Variants in DYM observed in about 807,000 individuals in gnomAD.
DYM encodes dyggve-Melchior-Clausen syndrome protein.
Under a neutral mutation model 93.1 loss-of-function variants are expected in DYM, and 78 were observed. The observed-to-expected ratio is 0.84, with a 90% confidence interval of 0.70 to 1.01. The LOEUF is 1.01. Ranked by LOEUF, DYM falls within the 50% of genes least tolerant of loss-of-function variation. The probability of loss-of-function intolerance (pLI) is 0.00; values close to 1 mark genes in which losing one functional copy is unlikely to be tolerated. For missense variants in DYM, 789 were observed against 845.0 expected, an observed-to-expected ratio of 0.93 and a Z score of 0.82; for synonymous variants, 321 against 319.7, an observed-to-expected ratio of 1.00 and a Z score of -0.04.
intron 8 of DYM, among the ~76,000 whole-genome samples, chr18:49,306,315 C>T (rs968688552): frequency 2.0e-5 from 3 of 152,170 alleles, no homozygotes; most frequent in African/African-American, 7.2e-5. Flanking sequence ...GGTCAGAAAA[C>T]TAGCAGGCTT....
intron 14 of DYM, among the ~76,000 whole-genome samples, chr18:49,187,006 G>A (rs1035961907): frequency 4.8e-5 from 7 of 144,830 alleles, no homozygotes; most frequent in African/African-American, 7.8e-5. Context: ...TGCAAGCTCC[G>A]CTTCCTGGGT....
intron 6 of DYM, among the ~76,000 whole-genome samples, chr18:49,335,202 G>A (rs149416084): frequency 9.3e-4 from 142 of 152,282 alleles, no homozygotes; most frequent in African/African-American, 3.2e-3. Flanking sequence ...GCCTTATTAC[G>A]TGGTTGAATA....
intron 3 of DYM, among the ~76,000 whole-genome samples, chr18:49,390,396 C>T (rs1281606560): frequency 1.3e-5 from 2 of 151,926 alleles, no homozygotes; most frequent in East Asian, 3.9e-4. Context: ...CACCAGTGCA[C>T]TCCAGCCTGG....
At chr18:49,337,090 C>T (rs772878530) in intron 6 of DYM, among the ~76,000 whole-genome samples, 2 of 152,098 alleles carry the variant, frequency 1.3e-5, no homozygotes, top group South Asian at 2.1e-4. Flanking sequence ...TTATTGAATA[C>T]CTTCCTTAAT....
At position 49,042,099 on chromosome 18, in the gene DYM, T is replaced by TC. The variant is rs2070967663; in HGVS notation, c.*1955dup. On this transcript the variant is annotated 3_prime_UTR_variant, in exon 18 of 18. Transcript: ENST00000675505. Reference sequence around the variant, plus strand: ...TGCTACCTGAAATGATAATCATCACTCCCCCTGCTGGCTGAGAGCGCTTCT... The same window carrying TC: ...TGCTACCTGAAATGATAATCATCACTCCCCCCTGCTGGCTGAGAGCGCTTCT... 6.6e-6 allele frequency: 1 copy of TC among 152,544 alleles called. No individual in the cohort carries two copies. Among genetic ancestry groups the TC allele is most frequent in the African/African-American group, 2.4e-5 (1 of 41,446 alleles). 9.4% of individuals were successfully genotyped at this position (152,544 alleles called of 1,614,324 possible). A position where few individuals can be genotyped will look rare whatever the true frequency, so the allele number is the denominator to read the frequency against.
chr18:49,348,680 G>A (rs1336392653), intron 6 of DYM, among the ~76,000 whole-genome samples: 7 of 151,944 alleles, frequency 4.6e-5, no homozygotes, highest in East Asian at 3.9e-4. Flanking sequence ...AGGCCAAGGC[G>A]AGTGGATTAC....
At chr18:49,158,868 TA>T (rs1320461271) in intron 15 of DYM, among the ~76,000 whole-genome samples, 1 of 152,186 alleles carries the variant, frequency 6.6e-6, no homozygotes, top group Non-Finnish European at 1.5e-5. Context: ...CAGCTAACAA[TA>T]ATTTATTGTA....
chr18:49,377,952 T>C (rs1023730118), intron 5 of DYM, among the ~76,000 whole-genome samples: 6 of 152,232 alleles, frequency 3.9e-5, no homozygotes, highest in Non-Finnish European at 2.9e-5. Flanking sequence ...GGCAGAGATC[T>C]ATTTTGAAAA....
chr18:49,445,487 T>A (rs1004520427), intron 1 of DYM, among the ~76,000 whole-genome samples: 4 of 151,742 alleles, frequency 2.6e-5, no homozygotes, highest in Non-Finnish European at 4.4e-5. Context: ...GGAGAAAAGA[T>A]AAAAGTTAAG....
chr18:49,449,879 C>T (rs532589361), intron 1 of DYM, among the ~76,000 whole-genome samples: 28 of 152,248 alleles, frequency 1.8e-4, no homozygotes, highest in South Asian at 1.5e-3. Flanking sequence ...AGACTCCACA[C>T]CTGGTATATA....
rs77946618 is a variant in DYM at position 49,327,885 on chromosome 18, C to T, written c.763+3979G>A. On this transcript the variant is annotated intron_variant, in intron 8 of 17. Coordinates refer to ENST00000675505, the MANE Select transcript of DYM (RefSeq NM_001353214.3). ...ACTACAGTCCACAGATGTTGGATGG[C>T]GCTCTGCTGGATACTGCAGGGGACA... Among the ~76,000 whole-genome samples, 13 of 152,194 alleles carry T rather than the reference C, an allele frequency of 8.5e-5. No individual in the cohort carries two copies. In the East Asian group the frequency reaches 9.7e-4, roughly 11 times the overall value.
chr18:49,176,787 T>A (rs2089432591), intron 14 of DYM, among the ~76,000 whole-genome samples: 1 of 152,122 alleles, frequency 6.6e-6, no homozygotes, highest in African/African-American at 2.4e-5. Flanking sequence ...ATTGGTAATT[T>A]ATCTAAAAAG....
At chr18:49,369,299 G>A (rs1342621204) in intron 5 of DYM, among the ~76,000 whole-genome samples, 9 of 152,114 alleles carry the variant, frequency 5.9e-5, no homozygotes, top group African/African-American at 2.2e-4. Context: ...GTTCATTCAG[G>A]AGACTCTCTG....
At chr18:49,282,373 G>A (rs191886771) in intron 9 of DYM, among the ~76,000 whole-genome samples, 198 bp from the exon 10 acceptor site, 3 of 152,266 alleles carry the variant, frequency 2.0e-5, no homozygotes, top group Admixed American at 1.3e-4. Context: ...CCAGCACTTT[G>A]GGAGGCCGAG....
chr18:49,100,375 G>C (rs924936985), intron 16 of DYM, among the ~76,000 whole-genome samples: 1 of 151,986 alleles, frequency 6.6e-6, no homozygotes, highest in African/African-American at 2.4e-5. Context: ...CAACAAAAGG[G>C]AGTGTACTTA....
chr18:49,391,769 T>G, intron 2 of DYM, 124 bp from the exon 3 acceptor site: 2 of 751,954 alleles, frequency 2.7e-6, no homozygotes, highest in East Asian at 3.0e-5. Context: ...TGCACAGTAG[T>G]GAACAATAAG....
chr18:49,058,645 C>T (rs909665370), intron 17 of DYM, among the ~76,000 whole-genome samples: 7 of 152,178 alleles, frequency 4.6e-5, no homozygotes, highest in Non-Finnish European at 1.0e-4. Context: ...GAAAGACACA[C>T]TGCTTATCTC....
At chr18:49,276,524 GA>G (rs1400495580) in intron 10 of DYM, among the ~76,000 whole-genome samples, 5 of 151,970 alleles carry the variant, frequency 3.3e-5, no homozygotes, top group African/African-American at 7.2e-5. Flanking sequence ...CTGAGAAGAG[GA>G]AAAAGGAGAA....
intron 8 of DYM, among the ~76,000 whole-genome samples, chr18:49,295,125 C>T (rs2060440412): frequency 6.6e-6 from 1 of 152,104 alleles, no homozygotes; most frequent in Non-Finnish European, 1.5e-5. Flanking sequence ...TTTTTACTTC[C>T]ATCATGACCC....
Sources: gnomAD v4.1 joint callset for allele counts (sites outside exome capture counted in the v4.1 genomes callset) on GRCh38, gnomAD v4.1.1 for gene constraint, MANE v1.5 for transcripts, NCBI Gene and HGNC (gene_info 2026-07-23, HGNC 2026-07-21) for gene names.